Variants in TAFA1 observed in about 807,000 individuals in gnomAD.
TAFA1 encodes the protein chemokine-like protein TAFA-1.
Under a neutral mutation model 18.5 loss-of-function variants are expected in TAFA1, and 4 were observed. The observed-to-expected ratio is 0.22, with a 90% CI of 0.11 to 0.49. TAFA1 has a LOEUF of 0.49. TAFA1 is among the 20% of genes least tolerant of loss of function. The pLI is 0.98. For missense variants in TAFA1, 147 were observed against 169.0 expected (o/e 0.87, Z 0.72); for synonymous variants, 56 against 55.2 (o/e 1.01, Z -0.06).
rs144761158 is a variant in TAFA1 at position 68,369,584 on chromosome 3, A to G, written c.119-47696A>G. 2.6e-5 allele frequency among the ~76,000 whole-genome samples: 4 copies of G among 152,284 alleles called. No homozygotes were observed. In the East Asian group the frequency reaches 7.7e-4, roughly 29 times the overall value. ...ATAGTAGTCACAGTTCAAAGATGAT[A>G]TTGTCCTATGTAGTTTCTGAATCGT... On this transcript the variant is annotated intron_variant, in intron 2 of 4. Transcript: ENST00000478136.
chr3:68,448,025 C>G (rs988254312), intron 3 of TAFA1, among the ~76,000 whole-genome samples: 5 of 152,146 alleles, frequency 3.3e-5, no homozygotes, highest in Admixed American at 3.3e-4. Flanking sequence ...AGTGGCAGAG[C>G]TGAGAAGTGA....
chr3:68,314,512 T>C (rs1053190528), intron 2 of TAFA1, among the ~76,000 whole-genome samples: 1 of 152,198 alleles, frequency 6.6e-6, no homozygotes, highest in Non-Finnish European at 1.5e-5. Context: ...ATAAAAATGA[T>C]TGACAAATTT....
chr3:68,206,889 C>T (rs1320584212), intron 2 of TAFA1, among the ~76,000 whole-genome samples: 2 of 151,880 alleles, frequency 1.3e-5, no homozygotes, highest in African/African-American at 4.8e-5. Flanking sequence ...GTCACATGAT[C>T]TCCACAGATG....
chr3:68,368,729 C>A (rs1024817639), intron 2 of TAFA1, among the ~76,000 whole-genome samples: 3 of 151,794 alleles, frequency 2.0e-5, no homozygotes, highest in Non-Finnish European at 4.4e-5. Context: ...AAATAAAAAT[C>A]CATTTCATCT....
In TAFA1 at chr3:68,453,091, T is replaced by C. The variant is rs2071594311; in HGVS notation, c.259+35671T>C. Among the ~76,000 whole-genome samples, 3 of 152,186 alleles carry C rather than the reference T, an allele frequency of 2.0e-5. No individual in the cohort carries two copies. In the South Asian group the frequency reaches 6.2e-4, roughly 32 times the overall value. ...CTTTATTTCAGTAAGATTCAAAAAATGAATTAATCTCCAGAGACATAAGCG... is the reference window on the plus strand; with the variant it reads ...CTTTATTTCAGTAAGATTCAAAAAACGAATTAATCTCCAGAGACATAAGCG... On this transcript the variant is annotated intron_variant, in intron 3 of 4. Transcript: ENST00000478136.
At chr3:68,106,334 G>C (rs950859129) in intron 2 of TAFA1, among the ~76,000 whole-genome samples, 1 of 152,116 alleles carries the variant, frequency 6.6e-6, no homozygotes, top group African/African-American at 2.4e-5. Context: ...ATCAGCGGCT[G>C]TTCTGTCCAA....
intron 2 of TAFA1, among the ~76,000 whole-genome samples, chr3:68,043,765 T>C (rs1469427799): frequency 1.3e-5 from 2 of 152,208 alleles, no homozygotes; most frequent in Non-Finnish European, 2.9e-5. Flanking sequence ...GTGTTGTTGC[T>C]GAGGGCATTT....
At chr3:68,481,344 T>C (rs541251118) in intron 3 of TAFA1, among the ~76,000 whole-genome samples, 21 of 152,288 alleles carry the variant, frequency 1.4e-4, no homozygotes, top group Middle Eastern at 3.4e-3. Flanking sequence ...ACAGTGAGTG[T>C]TTTAATCTAT....
At chr3:68,140,719 A>G (rs545420311) in intron 2 of TAFA1, among the ~76,000 whole-genome samples, 3 of 152,336 alleles carry the variant, frequency 2.0e-5, no homozygotes, top group Admixed American at 1.3e-4. Context: ...TAAGACTAGG[A>G]CACATTGAAG....
At chr3:68,067,487 T>C (rs1229576913) in intron 2 of TAFA1, among the ~76,000 whole-genome samples, 1 of 152,166 alleles carries the variant, frequency 6.6e-6, no homozygotes, top group Admixed American at 6.5e-5. Context: ...ATGTGGTTAT[T>C]GTGTTTATTT....
intron 2 of TAFA1, among the ~76,000 whole-genome samples, chr3:68,119,088 T>A (rs1175977495): frequency 1.3e-5 from 2 of 151,756 alleles, no homozygotes; most frequent in Non-Finnish European, 2.9e-5. Context: ...TATAAGGTAG[T>A]ATCTCATTAT....
At chr3:68,203,695 C>G (rs4256133) in intron 2 of TAFA1, among the ~76,000 whole-genome samples, 150,341 of 151,692 alleles carry the variant, frequency 0.99, 74,505 homozygotes, top group East Asian at 1. Context: ...TTCTCACATG[C>G]AAAACTTGAG....
chr3:68,332,210 T>C lies in TAFA1; in HGVS notation c.119-85070T>C, dbSNP rs537526023. The stretch of plus-strand genomic sequence containing the variant: ...GGTGTTAGGAAGCTGCATATCTGTA[T>C]ACAAAAAGAAAACAGAAAAAAAAAA... On this transcript the variant is annotated intron_variant, in intron 2 of 4. Coordinates refer to ENST00000478136, the MANE Select transcript of TAFA1 (RefSeq NM_213609.4). Among the ~76,000 whole-genome samples, 52 of 150,876 alleles carry C rather than the reference T, an allele frequency of 3.4e-4. 1 individual carries two copies. The highest frequency in any genetic ancestry group is 1.1e-3 in the African/African-American group (45 of 41,030).
intron 3 of TAFA1, among the ~76,000 whole-genome samples, chr3:68,442,039 G>A (rs944722245): frequency 2.0e-5 from 3 of 152,102 alleles, no homozygotes; most frequent in African/African-American, 7.2e-5. Flanking sequence ...CCAGAATCCT[G>A]CTGCTCCAAA....
At chr3:68,018,576 T>A (rs1031333099) in intron 2 of TAFA1, among the ~76,000 whole-genome samples, 1 of 152,156 alleles carries the variant, frequency 6.6e-6, no homozygotes, top group Admixed American at 6.5e-5. Context: ...CTGGTATAAC[T>A]CTGATTTCCC....
intron 2 of TAFA1, among the ~76,000 whole-genome samples, chr3:68,072,902 C>T (rs927887157): frequency 3.9e-5 from 6 of 152,152 alleles, no homozygotes; most frequent in African/African-American, 1.4e-4. Flanking sequence ...AAACATAAAG[C>T]ATTCAGATCA....
intron 2 of TAFA1, among the ~76,000 whole-genome samples, chr3:68,339,078 C>G (rs1278123016): frequency 6.6e-6 from 1 of 152,176 alleles, no homozygotes; most frequent in East Asian, 1.9e-4. Flanking sequence ...TTAGCTAAAG[C>G]AAGTCGCATG....
At chr3:68,316,304 G>A (rs912997060) in intron 2 of TAFA1, among the ~76,000 whole-genome samples, 3 of 152,184 alleles carry the variant, frequency 2.0e-5, no homozygotes, top group African/African-American at 7.2e-5. Context: ...CCTTAGAAAT[G>A]AACTGGTTAA....
intron 2 of TAFA1, among the ~76,000 whole-genome samples, chr3:68,287,445 T>C (rs2068029719): frequency 6.6e-6 from 1 of 152,006 alleles, no homozygotes; most frequent in Non-Finnish European, 1.5e-5. Context: ...GTTGAAGTTA[T>C]TGTGCATGAA....
Sources: gnomAD v4.1 joint callset for allele counts (sites outside exome capture counted in the v4.1 genomes callset) on GRCh38, gnomAD v4.1.1 for gene constraint, MANE v1.5 for transcripts, NCBI Gene and HGNC (gene_info 2026-07-23, HGNC 2026-07-21) for gene names.